Variants in SLFN12 observed in about 807,000 individuals in gnomAD.
The protein encoded by SLFN12 is schlafen family member 12.
Under a neutral mutation model 29.1 loss-of-function variants are expected in SLFN12, and 25 were observed. The observed-to-expected ratio is 0.86, with a 90% CI of 0.63 to 1.20. The LOEUF is 1.20. Ranked by LOEUF, SLFN12 falls within the 50% of genes most tolerant of loss-of-function variation. SLFN12 has a pLI of 0.00. For synonymous variants in SLFN12, 257 were observed against 238.7 expected, an observed-to-expected ratio of 1.08 and a Z score of -0.71; for missense variants, 660 against 666.2, an observed-to-expected ratio of 0.99 and a Z score of 0.10.
Position 35,422,987 on chromosome 17 carries a change from C to G in SLFN12, c.42G>C (p.Leu14Phe), listed in dbSNP as rs202085233. 459 of 1,613,212 alleles carry G rather than the reference C, an allele frequency of 2.8e-4. No homozygotes were observed. Among genetic ancestry groups the G allele is most frequent in the Non-Finnish European group, 3.7e-4 (431 of 1,179,740 alleles). ...GAGTGACTCTTCCCACATCTAGAAC[C>G]AACTCGGCATAATTCGTTTCCAAAT... is the stretch of plus-strand genomic sequence containing the variant. Reference protein sequence around the residue: ...SVDLETNYAELVLDVGRVTLG... With the variant: ...SVDLETNYAEFVLDVGRVTLG... The change falls in exon 2 of 4, where the codon TTG becomes TTC. Residue 14 changes from leucine (L) to phenylalanine (F), a missense_variant. Transcript: ENST00000304905.
rs779885382 is a variant in SLFN12, at chr17:35,422,054, T to G, written c.975A>C (p.Lys325Asn). Residue 325 changes from lysine (K) to asparagine (N), a missense_variant, in exon 2 of 4, where the codon AAA (lysine) becomes AAC (asparagine). Lys to Asn is a moderately conservative substitution (Grantham distance 94). Transcript: ENST00000304905. ...FAKEPDSWHV[K>N]DNRVMQLTRK... ...TGGTCAACTGCATCACACGGTTATC[T>G]TTCACATGCCAGGAATCAGGCTCTT... The G allele has an allele frequency of 6.2e-7, 1 of 1,614,088 alleles. No homozygotes were observed. Among genetic ancestry groups the G allele is most frequent in the Admixed American group, 1.7e-5 (1 of 60,020 alleles).
At chr17:35,429,847 G>A (rs951881166) in intron 1 of SLFN12, among the ~76,000 whole-genome samples, 5 of 151,922 alleles carry the variant, frequency 3.3e-5, no homozygotes, top group African/African-American at 9.7e-5. Context: ...ATCTAGCAAT[G>A]CAGTTCATCA....
At chr17:35,419,079 C>A (rs1187589513) in intron 3 of SLFN12, among the ~76,000 whole-genome samples, 2 of 152,048 alleles carry the variant, frequency 1.3e-5, no homozygotes, top group Non-Finnish European at 2.9e-5. Context: ...GTTGGCCAGG[C>A]TGTTCTCTTG....
At chr17:35,426,751 G>A (rs921020510) in intron 1 of SLFN12, among the ~76,000 whole-genome samples, 2 of 152,100 alleles carry the variant, frequency 1.3e-5, no homozygotes, top group African/African-American at 4.8e-5. Context: ...AGTATACTCT[G>A]ATCTTAGGGA....
intron 1 of SLFN12, among the ~76,000 whole-genome samples, chr17:35,424,377 C>T (rs1911882315): frequency 6.7e-6 from 1 of 149,512 alleles, no homozygotes; most frequent in African/African-American, 2.5e-5. Flanking sequence ...TTATGTGTAA[C>T]TTTTAAGTTA....
Position 35,411,495 on chromosome 17 carries a change from C to CT in SLFN12, c.1579dup (p.Arg527LysfsTer10). ...AAAAAGGGCTTTCAGCAAGTATTTCCTTCTTGTAAAATAGTAGGATTCAGG... is the reference window on the plus strand; with the variant it reads ...AAAAAGGGCTTTCAGCAAGTATTTCCTTTCTTGTAAAATAGTAGGATTCAGG... On this transcript the variant is annotated frameshift_variant, in exon 4 of 4. Coordinates refer to ENST00000304905, the MANE Select transcript of SLFN12 (RefSeq NM_018042.5). LOFTEE classifies it low-confidence loss of function (END_TRUNC). The CT allele has an allele frequency of 6.2e-7, 1 of 1,613,938 alleles. No homozygotes were observed. Among genetic ancestry groups the CT allele is most frequent in the Middle Eastern group, 1.6e-4 (1 of 6,062 alleles).
intron 1 of SLFN12, among the ~76,000 whole-genome samples, chr17:35,423,314 T>C (rs997146724): frequency 1.3e-5 from 2 of 152,084 alleles, no homozygotes; most frequent in Non-Finnish European, 2.9e-5. Context: ...TTATCCGCCT[T>C]TTTTCTCCTT....
In SLFN12 at chr17:35,411,248, G is replaced by T; in HGVS notation, c.*90C>A. On this transcript the variant is annotated 3_prime_UTR_variant, in exon 4 of 4. Transcript: ENST00000304905. Reference sequence around the variant, plus strand: ...AACATCACATTAAGTTGCTTAACTTGCAAAGTTTTCAAAGAAATATTTTCA... The same window carrying T: ...AACATCACATTAAGTTGCTTAACTTTCAAAGTTTTCAAAGAAATATTTTCA... 9.7e-7 allele frequency: 1 copy of T among 1,027,850 alleles called. No homozygotes were observed. Among genetic ancestry groups the T allele is most frequent in the Non-Finnish European group, 1.4e-6 (1 of 719,348 alleles). The allele number at this position is 1,027,850 out of a possible 1,614,324, so 63.7% of individuals were successfully genotyped here.
chr17:35,411,989 G>A (rs1478307414), intron 3 of SLFN12, 62 bp from the exon 4 acceptor site: 5 of 1,287,310 alleles, frequency 3.9e-6, no homozygotes, highest in Non-Finnish European at 5.2e-6. Flanking sequence ...TTAAGCCATG[G>A]CAAAGTAGCT....
Position 35,411,855 on chromosome 17 carries a change from T to C in SLFN12, c.1220A>G (p.Lys407Arg). The C allele has an allele frequency of 6.2e-7, 1 of 1,613,966 alleles. No homozygotes were observed. The highest frequency in any genetic ancestry group is 8.5e-7 in the Non-Finnish European group (1 of 1,179,968). The change falls in exon 4 of 4, where the codon AAG becomes AGG. Residue 407 changes from lysine to arginine, a missense_variant. Physicochemically the swap from Lys to Arg is conservative, Grantham distance 26. Transcript: ENST00000304905. ...RKLFLQHEGL[K>R]QLICEEMDSV... ...GTCCATTTCTTCACATATTAATTGC[T>C]TAAGTCCTTCATGTTGTAAGAACAG... is the stretch of plus-strand genomic sequence containing the variant.
chr17:35,413,482 T>C (rs1911148869), intron 3 of SLFN12, among the ~76,000 whole-genome samples: 1 of 152,120 alleles, frequency 6.6e-6, no homozygotes, highest in South Asian at 2.1e-4. Context: ...GTGTAGTGGC[T>C]CACGCCTGTA....
chr17:35,419,119 G>A (rs1275050280), intron 3 of SLFN12, among the ~76,000 whole-genome samples: 1 of 151,990 alleles, frequency 6.6e-6, no homozygotes, highest in Non-Finnish European at 1.5e-5. Flanking sequence ...CCTCTGGATT[G>A]TGTATTTACA....
rs761786861 is a variant in SLFN12, at chr17:35,422,340, G to A, written c.689C>T (p.Ala230Val). ...GAACAAATATCCTCCATCAGTATTT[G>A]CAAATGCAGAAACATATTGAGGGAG... ...EILPQYVSAF[A>V]NTDGGYLFIG... The change falls in exon 2 of 4, where the codon GCA becomes GTA. Residue 230 changes from alanine to valine, a missense_variant. Ala to Val is a moderately conservative substitution (Grantham distance 64). Coordinates refer to ENST00000304905, the MANE Select transcript of SLFN12 (RefSeq NM_018042.5). 6.2e-6 allele frequency: 10 copies of A among 1,613,792 alleles called. No individual in the cohort carries two copies. The highest frequency in any genetic ancestry group is 8.5e-6 in the Non-Finnish European group (10 of 1,179,948).
chr17:35,418,078 C>T (rs1429575304), intron 3 of SLFN12, among the ~76,000 whole-genome samples: 1 of 151,970 alleles, frequency 6.6e-6, no homozygotes, highest in South Asian at 2.1e-4. Context: ...ATCAAAATCC[C>T]AAAAGTTTTT....
At position 35,411,276 on chromosome 17, in the gene SLFN12, G is replaced by A; in HGVS notation, c.*62C>T. 8.3e-7 allele frequency: 1 copy of A among 1,204,120 alleles called. No individual in the cohort carries two copies. Among genetic ancestry groups the A allele is most frequent in the Non-Finnish European group, 1.1e-6 (1 of 874,426 alleles). 74.6% of individuals were successfully genotyped at this position (1,204,120 alleles called of 1,614,324 possible). A position where few individuals can be genotyped will look rare whatever the true frequency, so the allele number is the denominator to read the frequency against. ...AAGTTTTCAAAGAAATATTTTCACA[G>A]AATTAGAGAATGTTATCAAATATAT... is the stretch of plus-strand genomic sequence containing the variant. On this transcript the variant is annotated 3_prime_UTR_variant, in exon 4 of 4. Coordinates refer to ENST00000304905, the MANE Select transcript of SLFN12 (RefSeq NM_018042.5).
chr17:35,420,423 A>T lies in SLFN12; in HGVS notation c.1040-42T>A, dbSNP rs533523947. 37 of 1,287,746 alleles carry T rather than the reference A, an allele frequency of 2.9e-5. No individual in the cohort carries two copies. The South Asian group carries it at 4.2e-4, about 15-fold the overall frequency. The allele number at this position is 1,287,746 out of a possible 1,614,324, so 79.8% of individuals were successfully genotyped here. On this transcript the variant is annotated intron_variant, in intron 2 of 3. Transcript: ENST00000304905. The stretch of plus-strand genomic sequence containing the variant: ...TCACATTCTTAATTTCGCAGAAGGG[A>T]GACCCCAACTAACTAATGCATAGTA...
Position 35,411,180 on chromosome 17 carries a change from G to C in SLFN12, c.*158C>G. On this transcript the variant is annotated 3_prime_UTR_variant, in exon 4 of 4. Transcript: ENST00000304905. ...ATATCCCTCAAACAATATCTGTGAA[G>C]ATTATTTAGGGAGAAGTGAAAATAG... is the stretch of plus-strand genomic sequence containing the variant. The C allele has an allele frequency of 7.2e-6, 4 of 558,816 alleles. 1 individual carries two copies. The South Asian group carries it at 1.0e-4, about 15-fold the overall frequency. 34.6% of individuals were successfully genotyped at this position (558,816 alleles called of 1,614,324 possible).
At chr17:35,426,055 G>A (rs1044496985) in intron 1 of SLFN12, among the ~76,000 whole-genome samples, 2 of 150,792 alleles carry the variant, frequency 1.3e-5, no homozygotes, top group Non-Finnish European at 3.0e-5. Flanking sequence ...TAGTAATGTT[G>A]AGCATTATTT....
At chr17:35,423,608 G>C (rs1422638361) in intron 1 of SLFN12, among the ~76,000 whole-genome samples, 1 of 151,984 alleles carries the variant, frequency 6.6e-6, no homozygotes, top group Non-Finnish European at 1.5e-5. Flanking sequence ...TTTGGCCATT[G>C]ATCTTAAGCA....
Sources: allele counts gnomAD v4.1 joint callset (sites outside exome capture counted in the v4.1 genomes callset), GRCh38; gene constraint gnomAD v4.1.1; transcripts MANE v1.5; gene names NCBI Gene and HGNC (gene_info 2026-07-23, HGNC 2026-07-21).